The following DARS2 variants were observed in gnomAD, a reference collection of about 807,000 sequenced individuals.
The protein encoded by DARS2 is aspartyl-tRNA synthetase 2, mitochondrial.
Under a neutral mutation model 83.0 loss-of-function variants are expected in DARS2, and 63 were observed. The ratio of observed to expected loss-of-function variants is 0.76; its 90% confidence interval spans 0.62 to 0.94. The LOEUF is 0.94. Ranked by LOEUF, DARS2 falls within the 40% of genes least tolerant of loss-of-function variation. DARS2 has a pLI of 0.00. For missense variants in DARS2, 675 were observed against 774.4 expected, an observed-to-expected ratio of 0.87 and a Z score of 1.52; for synonymous variants, 250 against 269.3, an observed-to-expected ratio of 0.93 and a Z score of 0.70.
chr1:173,837,375 A>G (rs574897736), intron 8 of DARS2, among the ~76,000 whole-genome samples: 1 of 152,294 alleles, frequency 6.6e-6, no homozygotes, highest in South Asian at 2.1e-4. Flanking sequence ...CCAAATGTAA[A>G]TGTATTGAGA....
At chr1:173,841,202 C>A (rs1438672491) in intron 11 of DARS2, among the ~76,000 whole-genome samples, 1 of 151,878 alleles carries the variant, frequency 6.6e-6, no homozygotes, top group East Asian at 1.9e-4. Flanking sequence ...TGGTGAAACC[C>A]CATCTCTACT....
chr1:173,836,552 A>G (rs1235426869), intron 7 of DARS2, among the ~76,000 whole-genome samples: 2 of 152,174 alleles, frequency 1.3e-5, no homozygotes, highest in East Asian at 3.8e-4. Flanking sequence ...TCAAAAAAAA[A>G]AAAAAGACAT....
chr1:173,826,682 T>A lies in DARS2; in HGVS notation c.128-5T>A, dbSNP rs200078808. 6.4e-4 allele frequency: 995 copies of A among 1,548,580 alleles called. 5 individuals are homozygous for A. Among genetic ancestry groups the A allele is most frequent in the Admixed American group, 1.7e-3 (92 of 54,668 alleles). On this transcript the variant is annotated splice_polypyrimidine_tract_variant and splice_region_variant and intron_variant, in intron 1 of 16. Coordinates refer to ENST00000649689, the MANE Select transcript of DARS2 (RefSeq NM_018122.5). ...TAAAGTTTCTTTTTTTTTTTTTTTT[T>A]AAAGAATTCAGTAGCTTTGTTGTCC...
chr1:173,835,929 C>T (rs566997874), intron 7 of DARS2, among the ~76,000 whole-genome samples: 4 of 152,026 alleles, frequency 2.6e-5, no homozygotes, highest in African/African-American at 9.6e-5. Context: ...TGGTGGCAGG[C>T]ACCTGTAGTC....
intron 13 of DARS2, among the ~76,000 whole-genome samples, chr1:173,850,717 T>C (rs1219675832): frequency 6.6e-6 from 1 of 151,748 alleles, no homozygotes; most frequent in Non-Finnish European, 1.5e-5. Flanking sequence ...GAGATTCTCC[T>C]GCCTCAGCCT....
chr1:173,851,226 C>A (rs901135622), intron 13 of DARS2, among the ~76,000 whole-genome samples: 2 of 144,162 alleles, frequency 1.4e-5, no homozygotes, highest in Non-Finnish European at 3.0e-5. Context: ...TCCAGCCTGG[C>A]TGACAGAGCC....
intron 8 of DARS2, 115 bp downstream of exon 8, chr1:173,837,161 T>C (rs756906841): frequency 8.4e-6 from 8 of 948,872 alleles, no homozygotes; most frequent in Non-Finnish European, 1.3e-5. Context: ...TTTATGAGAG[T>C]TTGGAGAATA....
At chr1:173,846,526 C>G (rs1453889015) in intron 12 of DARS2, among the ~76,000 whole-genome samples, 1 of 150,846 alleles carries the variant, frequency 6.6e-6, no homozygotes, top group African/African-American at 2.4e-5. Context: ...GGCACGGAAG[C>G]GCATACCTGT....
At chr1:173,856,544 G>T in intron 15 of DARS2, 122 bp from the exon 16 acceptor site, 11 of 803,692 alleles carry the variant, frequency 1.4e-5, no homozygotes, top group South Asian at 6.4e-5. Flanking sequence ...TTTATTATTG[G>T]TTAAGTCAGT....
Position 173,857,619 on chromosome 1 carries a change from C to T in DARS2, c.1852C>T (p.Pro618Ser). The change falls in exon 17 of 17, where the codon CCA becomes TCA. Residue 618 changes from proline (P) to serine (S), a missense_variant. Coordinates refer to ENST00000649689, the MANE Select transcript of DARS2 (RefSeq NM_018122.5). The part of the protein sequence containing the change: ...FRGHDLMSNT[P>S]DSVPPEELKP... Reference sequence around the variant, plus strand: ...GGGACATGACCTCATGAGCAATACCCCAGATTCTGTCCCTCCTGAGGAACT... The same window carrying T: ...GGGACATGACCTCATGAGCAATACCTCAGATTCTGTCCCTCCTGAGGAACT... The T allele has an allele frequency of 6.2e-7, 1 of 1,614,144 alleles. No homozygotes were observed. The highest frequency in any genetic ancestry group is 8.5e-7 in the Non-Finnish European group (1 of 1,180,014).
At chr1:173,843,453 G>A (rs545449037) in intron 11 of DARS2, among the ~76,000 whole-genome samples, 1 of 152,236 alleles carries the variant, frequency 6.6e-6, no homozygotes, top group Non-Finnish European at 1.5e-5. Flanking sequence ...CCAGCTACTC[G>A]GGAGGCTGAG....
chr1:173,826,124 C>T (rs935334036), intron 1 of DARS2, among the ~76,000 whole-genome samples: 1 of 150,892 alleles, frequency 6.6e-6, no homozygotes, highest in African/African-American at 2.4e-5. Context: ...CTGGGGAGGC[C>T]GAGGCAGGAG....
intron 12 of DARS2, among the ~76,000 whole-genome samples, chr1:173,849,904 C>G (rs573749058): frequency 7.2e-4 from 98 of 136,492 alleles, no homozygotes; most frequent in Admixed American, 2.0e-3. Context: ...GTCACCCAGG[C>G]TGGAGTGCAA....
intron 10 of DARS2, 27 bp downstream of exon 10, chr1:173,839,573 C>T (rs757384711): frequency 1.2e-6 from 2 of 1,604,398 alleles, no homozygotes; most frequent in South Asian, 2.2e-5. Flanking sequence ...TTCTAGGACT[C>T]TGTCCCCAAA....
intron 7 of DARS2, among the ~76,000 whole-genome samples, chr1:173,835,417 C>T (rs1458677328): frequency 2.0e-5 from 3 of 146,436 alleles, no homozygotes; most frequent in Admixed American, 6.8e-5. Context: ...AAGAACAAAT[C>T]TATTGGCCGG....
chr1:173,857,841 TCAC>T lies in DARS2; in HGVS notation c.*140_*142del. On this transcript the variant is annotated 3_prime_UTR_variant, in exon 17 of 17. Transcript: ENST00000649689. The stretch of plus-strand genomic sequence containing the variant: ...ATGGAAGGAATCCAGGCAACATTCT[TCAC>T]CACAACGAAGAAACAGATAAAAGAT... 7 of 910,138 alleles carry T rather than the reference TCAC, an allele frequency of 7.7e-6. No individual in the cohort carries two copies. Among genetic ancestry groups the T allele is most frequent in the South Asian group, 1.4e-5 (1 of 70,256 alleles). The allele number at this position is 910,138 out of a possible 1,614,324, so 56.4% of individuals were successfully genotyped here.
chr1:173,830,246 A>G lies in DARS2; in HGVS notation c.295-414A>G, dbSNP rs573108163. Among the ~76,000 whole-genome samples the G allele has an allele frequency of 1.4e-4, 22 of 152,334 alleles. 1 individual carries two copies. The highest frequency in any genetic ancestry group is 5.1e-4 in the African/African-American group (21 of 41,578). On this transcript the variant is annotated intron_variant, in intron 3 of 16. Transcript: ENST00000649689. ...TGAAATAAATAAAGAGCAATGAATT[A>G]TCTTTTAGGGATCAACATCCAGAGA...
At chr1:173,834,732 G>GTTTT in intron 7 of DARS2, among the ~76,000 whole-genome samples, 2 of 21,694 alleles carry the variant, frequency 9.2e-5, no homozygotes, top group Non-Finnish European at 8.5e-5. Flanking sequence ...GAGTTTTTTT[G>GTTTT]TTTTTTTTTT....
intron 6 of DARS2, 118 bp downstream of exon 6, chr1:173,833,617 T>G (rs191527862): frequency 8.4e-7 from 1 of 1,194,712 alleles, no homozygotes; most frequent in Admixed American, 1.8e-5. Context: ...AGTCTGGAAT[T>G]CACTCAATGT....
Sources: gnomAD v4.1 joint callset for allele counts (sites outside exome capture counted in the v4.1 genomes callset) on GRCh38, gnomAD v4.1.1 for gene constraint, MANE v1.5 for transcripts, NCBI Gene and HGNC (gene_info 2026-07-23, HGNC 2026-07-21) for gene names.